The following PIK3R5 variants were observed in gnomAD, a reference collection of about 807,000 sequenced individuals.
The protein encoded by PIK3R5 is phosphoinositide-3-kinase regulatory subunit 5, also known as phosphoinositide 3-kinase regulatory subunit 5.
In PIK3R5, 32 loss-of-function variants were observed where a neutral mutation model predicts 94.9. The ratio of observed to expected loss-of-function variants is 0.34; its 90% CI spans 0.25 to 0.45. The LOEUF (loss-of-function observed/expected upper bound fraction) is 0.45, where lower values mean the gene tolerates loss of function less well. PIK3R5 is among the 20% of genes least tolerant of loss of function. PIK3R5 has a pLI of 1.00. For synonymous variants in PIK3R5, 443 were observed against 479.4 expected, an observed-to-expected ratio of 0.92 and a Z score of 0.99; for missense variants, 853 against 1,144.6, an observed-to-expected ratio of 0.75 and a Z score of 3.68.
At chr17:8,901,054 C>G (rs1163707784) in intron 5 of PIK3R5, among the ~76,000 whole-genome samples, 1 of 152,214 alleles carries the variant, frequency 6.6e-6, no homozygotes, top group East Asian at 1.9e-4. Flanking sequence ...GCATTGCCTC[C>G]TAGCAAAGGA....
chr17:8,926,976 T>C (rs1456470779), intron 1 of PIK3R5, among the ~76,000 whole-genome samples: 1 of 152,046 alleles, frequency 6.6e-6, no homozygotes, highest in African/African-American at 2.4e-5. Context: ...CCTATTCCAT[T>C]TGAAATACAA....
At position 8,881,589 on chromosome 17, in the gene PIK3R5, G is replaced by GTAAC; in HGVS notation, c.2382+40_2382+41insGTTA. The GTAAC allele has an allele frequency of 6.5e-7, 1 of 1,529,810 alleles. No homozygotes were observed. The highest frequency in any genetic ancestry group is 9.0e-7 in the Non-Finnish European group (1 of 1,109,834). The allele number at this position is 1,529,810 out of a possible 1,614,324, so 94.8% of individuals were successfully genotyped here. ...CATACGCACATGCACGCTCCAGTAA[G>GTAAC]TCTCTTGAGGGTATGGCTGGAAGGA... On this transcript the variant is annotated intron_variant, in intron 17 of 18. Coordinates refer to ENST00000447110, the MANE Select transcript of PIK3R5 (RefSeq NM_001142633.3). The surrounding 1 kb of genome is among the most constrained non-coding windows in gnomAD (Gnocchi z 4.8).
intron 1 of PIK3R5, among the ~76,000 whole-genome samples, chr17:8,941,757 T>C (rs1427810949): frequency 1.3e-5 from 2 of 152,156 alleles, no homozygotes; most frequent in East Asian, 3.9e-4. Flanking sequence ...CCTGCCGTGG[T>C]TGTCCCTGCT....
intron 14 of PIK3R5, among the ~76,000 whole-genome samples, chr17:8,885,266 G>A (rs1364868150): frequency 6.7e-6 from 1 of 149,542 alleles, no homozygotes; most frequent in Admixed American, 6.6e-5. Context: ...GCCTCCCCAG[G>A]GCCCTGCCTT....
chr17:8,920,950 T>C lies in PIK3R5; in HGVS notation c.-13-9443A>G, dbSNP rs528907690. Among the ~76,000 whole-genome samples the C allele has an allele frequency of 7.3e-5, 11 of 151,286 alleles. No individual in the cohort carries two copies. In the East Asian group the frequency reaches 2.2e-3, roughly 30 times the overall value. On this transcript the variant is annotated intron_variant, in intron 1 of 18. Coordinates refer to ENST00000447110, the MANE Select transcript of PIK3R5 (RefSeq NM_001142633.3). ...TCTGCCTCCCAGGTTCAAGCTATCC[T>C]CCTGCCTCAGCCTCCTGAGTAGCTG...
At chr17:8,942,692 G>A (rs192622656) in intron 1 of PIK3R5, among the ~76,000 whole-genome samples, 6,617 of 151,242 alleles carry the variant, frequency 0.044, 203 homozygotes, top group Non-Finnish European at 0.063. Flanking sequence ...TGCAAGCTCC[G>A]CCTCCCGGGT....
chr17:8,930,035 G>T (rs1017231706), intron 1 of PIK3R5, among the ~76,000 whole-genome samples: 1 of 152,152 alleles, frequency 6.6e-6, no homozygotes, highest in East Asian at 1.9e-4. Flanking sequence ...TAGAACAACT[G>T]TAAAGAAAAT....
intron 6 of PIK3R5, 94 bp from the exon 7 acceptor site, chr17:8,891,006 T>A: frequency 8.0e-7 from 1 of 1,250,048 alleles, no homozygotes; most frequent in Non-Finnish European, 1.1e-6. Flanking sequence ...TCAGCTCCAC[T>A]GAGACCAGGG....
chr17:8,903,980 G>A (rs1050498116), intron 5 of PIK3R5, among the ~76,000 whole-genome samples: 1 of 152,222 alleles, frequency 6.6e-6, no homozygotes, highest in African/African-American at 2.4e-5. Context: ...CATGCCTCTA[G>A]TATTTTACCT....
Position 8,890,678 on chromosome 17 carries a change from GA to G in PIK3R5, c.657+59del. The G allele has an allele frequency of 7.1e-7, 1 of 1,418,356 alleles. No homozygotes were observed. The allele number at this position is 1,418,356 out of a possible 1,614,324, so 87.9% of individuals were successfully genotyped here. Reference sequence around the variant, plus strand: ...GAGACCGTGGCTGAGATGAAGCAGGGAGAGGGTGCTACCTCCTCAGAGAGGT... The same window carrying G: ...GAGACCGTGGCTGAGATGAAGCAGGGGAGGGTGCTACCTCCTCAGAGAGGT... On this transcript the variant is annotated intron_variant, in intron 7 of 18. Coordinates refer to ENST00000447110, the MANE Select transcript of PIK3R5 (RefSeq NM_001142633.3). The surrounding 1 kb of genome is among the most constrained non-coding windows in gnomAD (Gnocchi z 6.1).
chr17:8,887,958 G>T (rs1275540371), intron 10 of PIK3R5, among the ~76,000 whole-genome samples: 5 of 149,698 alleles, frequency 3.3e-5, no homozygotes, highest in Non-Finnish European at 7.4e-5. Flanking sequence ...CCGAGATCAT[G>T]CCACTGCACT....
At chr17:8,928,735 C>G (rs562470748) in intron 1 of PIK3R5, among the ~76,000 whole-genome samples, 16 of 152,144 alleles carry the variant, frequency 1.1e-4, no homozygotes, top group African/African-American at 3.9e-4. Flanking sequence ...ACCAGCATCC[C>G]TACTCTAGAA....
chr17:8,889,347 G>A lies in PIK3R5; in HGVS notation c.812-125C>T. On this transcript the variant is annotated intron_variant, in intron 8 of 18. Transcript: ENST00000447110. The surrounding 1 kb of genome is among the most constrained non-coding windows in gnomAD (Gnocchi z 4.1). ...AGGATCGGCACAAGGATATGTAGCTGGATAGGCTGAGGCTGAGTTACAGCC... is the reference window on the plus strand; with the variant it reads ...AGGATCGGCACAAGGATATGTAGCTAGATAGGCTGAGGCTGAGTTACAGCC... 1.4e-6 allele frequency: 1 copy of A among 695,940 alleles called. No individual in the cohort carries two copies. Among genetic ancestry groups the A allele is most frequent in the East Asian group, 2.7e-5 (1 of 36,526 alleles). The allele number at this position is 695,940 out of a possible 1,614,324, so 43.1% of individuals were successfully genotyped here.
chr17:8,964,887 T>C (rs960710422), intron 1 of PIK3R5, among the ~76,000 whole-genome samples: 2 of 152,224 alleles, frequency 1.3e-5, no homozygotes, highest in South Asian at 2.1e-4. Flanking sequence ...CACATCCTGC[T>C]GCTTTAACCT....
rs1005187855 is a variant in PIK3R5 at position 8,896,727 on chromosome 17, T to G, written c.413-3072A>C. On this transcript the variant is annotated intron_variant, in intron 5 of 18. Transcript: ENST00000447110. The surrounding 1 kb of genome is among the most constrained non-coding windows in gnomAD (Gnocchi z 4.0). ...CACAGGAAAATCACTACATCTGCCA[T>G]CAAGCAAGCACTGGTATTAATGACA... is the stretch of plus-strand genomic sequence containing the variant. 1.3e-5 allele frequency among the ~76,000 whole-genome samples: 2 copies of G among 152,130 alleles called. No individual in the cohort carries two copies. Among genetic ancestry groups the G allele is most frequent in the African/African-American group, 4.8e-5 (2 of 41,422 alleles).
In PIK3R5 at chr17:8,963,682, T is replaced by C. The variant is rs191011252; in HGVS notation, c.-14+1914A>G. The stretch of plus-strand genomic sequence containing the variant: ...CTTCTCGAGTAGCTGGGCAACCTGT[T>C]ATTCTTGAGGGCAATAATCAACAGT... On this transcript the variant is annotated intron_variant, in intron 1 of 18. Transcript: ENST00000447110. Among the ~76,000 whole-genome samples the C allele has an allele frequency of 5.9e-5, 9 of 152,210 alleles. No individual in the cohort carries two copies. The East Asian group carries it at 1.7e-3, about 29-fold the overall frequency.
At chr17:8,885,366 GCCCTGCCTCCCGGTAC>G (rs2089797486) in intron 14 of PIK3R5, among the ~76,000 whole-genome samples, 1 of 144,414 alleles carries the variant, frequency 6.9e-6, no homozygotes, top group Admixed American at 6.8e-5. Flanking sequence ...CCTTCCCATG[GCCCTGCCTCCCGGTAC>G]CCCTGCCTCC....
In PIK3R5 at chr17:8,888,649, CAAAG is replaced by C. The variant is rs1256219062; in HGVS notation, c.1134_1137del (p.Phe379SerfsTer74). 6.2e-7 allele frequency: 1 copy of C among 1,613,588 alleles called. No individual in the cohort carries two copies. The highest frequency in any genetic ancestry group is 8.5e-7 in the Non-Finnish European group (1 of 1,179,876). ...TCCATGCCATCAGAGAGGCCTGAGA[CAAAG>C]GAAGTCAGCAGATGGCGCGAGAGGG... On this transcript the variant is annotated frameshift_variant, in exon 10 of 19. Transcript: ENST00000447110. LOFTEE classifies it high-confidence loss of function. This position sits in a 1 kb window ranked among gnomAD's most constrained non-coding sequence, Gnocchi z 7.8.
chr17:8,959,869 G>C (rs1017341991), intron 1 of PIK3R5, among the ~76,000 whole-genome samples: 1 of 152,194 alleles, frequency 6.6e-6, no homozygotes, highest in African/African-American at 2.4e-5. Context: ...CAGAATGAAG[G>C]CCTGGCAAAA....
Sources: allele counts gnomAD v4.1 joint callset (sites outside exome capture counted in the v4.1 genomes callset), GRCh38; gene constraint gnomAD v4.1.1; non-coding constraint Gnocchi (gnomAD v3.1); transcripts MANE v1.5; gene names NCBI Gene and HGNC (gene_info 2026-07-23, HGNC 2026-07-21).